Variants in KCNIP3 observed in about 807,000 individuals in gnomAD.
The protein encoded by KCNIP3 is calsenilin.
Under a neutral mutation model 35.0 loss-of-function variants are expected in KCNIP3, and 28 were observed. The ratio of observed to expected loss-of-function variants is 0.80; its 90% confidence interval spans 0.59 to 1.10. The LOEUF (loss-of-function observed/expected upper bound fraction) is 1.10, where lower values mean the gene tolerates loss of function less well. Ranked by LOEUF, KCNIP3 falls within the 50% of genes least tolerant of loss-of-function variation. The pLI, the probability that KCNIP3 is intolerant of heterozygous loss-of-function variation, is 0.00. For missense variants in KCNIP3, 295 were observed against 338.4 expected (o/e 0.87, Z 1.01); for synonymous variants, 134 against 133.8 (o/e 1.00, Z -0.01).
chr2:95,304,593 A>C lies in KCNIP3; in HGVS notation c.16-5762A>C, dbSNP rs149139364. ...TTTACCCCTGTTGAATAACAGGAGA[A>C]CGCATACCCCAGGGACCCTGGCAAG... On this transcript the variant is annotated intron_variant, in intron 1 of 8. Coordinates refer to ENST00000295225, the MANE Select transcript of KCNIP3 (RefSeq NM_013434.5). Among the ~76,000 whole-genome samples, 128 of 152,328 alleles carry C rather than the reference A, an allele frequency of 8.4e-4. 1 individual carries two copies. Among genetic ancestry groups the C allele is most frequent in the East Asian group, 1.4e-3 (7 of 5,178 alleles).
intron 2 of KCNIP3, among the ~76,000 whole-genome samples, chr2:95,363,384 T>C (rs1324887375): frequency 6.6e-6 from 1 of 152,208 alleles, no homozygotes; most frequent in Non-Finnish European, 1.5e-5. Context: ...TTTTTTCCCA[T>C]AGCTTTCATG....
chr2:95,350,607 G>A (rs1317445295), intron 2 of KCNIP3, among the ~76,000 whole-genome samples: 1 of 152,200 alleles, frequency 6.6e-6, no homozygotes, highest in African/African-American at 2.4e-5. Flanking sequence ...AGCAGCAGGG[G>A]TGGGGGCTGC....
chr2:95,303,268 CAG>C (rs1678083899), intron 1 of KCNIP3: 1 of 152,372 alleles, frequency 6.6e-6, no homozygotes, highest in African/African-American at 2.4e-5. Context: ...CCTGGCCTCT[CAG>C]GGGACCTAGA....
intron 2 of KCNIP3, among the ~76,000 whole-genome samples, chr2:95,370,291 C>T (rs367878873): frequency 6.6e-6 from 1 of 152,346 alleles, no homozygotes; most frequent in East Asian, 1.9e-4. Context: ...TTGGCCAACT[C>T]ATGTGATCTT....
intron 7 of KCNIP3, 110 bp from the exon 8 acceptor site, chr2:95,383,122 C>CCCCCCAACACCCCCCCCAAACAAAA: frequency 2.4e-6 from 1 of 415,478 alleles, no homozygotes. Context: ...CCCACCCGCC[C>CCCCCCAACACCCCCCCCAAACAAAA]ATCCACCCAC....
intron 2 of KCNIP3, among the ~76,000 whole-genome samples, chr2:95,319,114 T>G (rs1483334688): frequency 6.6e-6 from 1 of 152,208 alleles, no homozygotes; most frequent in African/African-American, 2.4e-5. Flanking sequence ...TTGAGAAGCA[T>G]GCAAATGTAA....
intron 2 of KCNIP3, among the ~76,000 whole-genome samples, chr2:95,323,578 G>A (rs959085296): frequency 3.3e-5 from 5 of 152,062 alleles, no homozygotes; most frequent in African/African-American, 4.8e-5. Flanking sequence ...AGGTGCCAAC[G>A]CGTCCGCCTC....
intron 1 of KCNIP3, among the ~76,000 whole-genome samples, chr2:95,299,955 A>G (rs1294748218): frequency 6.6e-6 from 1 of 152,218 alleles, no homozygotes; most frequent in Non-Finnish European, 1.5e-5. Context: ...AGCTGTTGGT[A>G]TCATCCCCAC....
At position 95,353,480 on chromosome 2, in the gene KCNIP3, C is replaced by T. The variant is rs1394328730; in HGVS notation, c.182-20816C>T. ...TGGTCGAGCACACTGGGTTTCCCTC[C>T]GTTCCAGCCCGGTTTGGCCACCTGC... On this transcript the variant is annotated intron_variant, in intron 2 of 8. Transcript: ENST00000295225. Among the ~76,000 whole-genome samples, 5 of 152,188 alleles carry T rather than the reference C, an allele frequency of 3.3e-5. No homozygotes were observed. In the South Asian group the frequency reaches 6.2e-4, roughly 19 times the overall value.
chr2:95,376,931 TAC>T lies in KCNIP3; in HGVS notation c.447+1725_447+1726del, dbSNP rs1680215288. ...TCTTAGAGACAAGATGCATATTAGT[TAC>T]AGTTTACTGATATGGTAAAAGGTAA... is the stretch of plus-strand genomic sequence containing the variant. On this transcript the variant is annotated intron_variant, in intron 5 of 8. Transcript: ENST00000295225. The surrounding 1 kb of genome is among the most constrained non-coding windows in gnomAD (Gnocchi z 4.2). Among the ~76,000 whole-genome samples the T allele has an allele frequency of 6.6e-6, 1 of 152,216 alleles. No individual in the cohort carries two copies. The highest frequency in any genetic ancestry group is 6.5e-5 in the Admixed American group (1 of 15,282).
chr2:95,327,106 G>A (rs1678814302), intron 2 of KCNIP3, among the ~76,000 whole-genome samples: 2 of 152,194 alleles, frequency 1.3e-5, no homozygotes, highest in African/African-American at 4.8e-5. Flanking sequence ...ACTGTGCCAC[G>A]TCTACGGAAC....
intron 2 of KCNIP3, among the ~76,000 whole-genome samples, chr2:95,324,391 G>A (rs2104231925): frequency 6.6e-6 from 1 of 152,052 alleles, no homozygotes; most frequent in Non-Finnish European, 1.5e-5. Flanking sequence ...GCGGGCGCCT[G>A]TAGTCACAGC....
chr2:95,309,791 C>G (rs948426897), intron 1 of KCNIP3, among the ~76,000 whole-genome samples: 6 of 152,208 alleles, frequency 3.9e-5, no homozygotes, highest in African/African-American at 1.4e-4. Flanking sequence ...ATAGCTGGAG[C>G]TGTTTCTTCA....
At chr2:95,328,450 C>A (rs1254683894) in intron 2 of KCNIP3, among the ~76,000 whole-genome samples, 1 of 152,166 alleles carries the variant, frequency 6.6e-6, no homozygotes, top group East Asian at 1.9e-4. Flanking sequence ...TGGAGGAGAG[C>A]GGTGGGGAGG....
intron 2 of KCNIP3, chr2:95,347,003 A>G (rs2104266622): frequency 2.5e-6 from 4 of 1,585,214 alleles, no homozygotes; most frequent in Non-Finnish European, 3.4e-6. Context: ...CCAGGGCCCC[A>G]GGCAGCCCGG....
chr2:95,342,042 A>G (rs1328685300), intron 2 of KCNIP3, among the ~76,000 whole-genome samples: 1 of 152,136 alleles, frequency 6.6e-6, no homozygotes, highest in East Asian at 1.9e-4. Context: ...ATGAGGCATA[A>G]ACTGGACAAA....
intron 2 of KCNIP3, among the ~76,000 whole-genome samples, chr2:95,368,106 G>T (rs761770289): frequency 2.0e-5 from 3 of 152,224 alleles, no homozygotes; most frequent in Non-Finnish European, 2.9e-5. Context: ...TGATAAAGTT[G>T]CAGGACAAAC....
At chr2:95,343,570 C>A (rs9678800) in intron 2 of KCNIP3, among the ~76,000 whole-genome samples, 116,397 of 152,008 alleles carry the variant, frequency 0.77, 44,964 homozygotes, top group African/African-American at 0.85. Flanking sequence ...CTCATGAAAT[C>A]CCTGGGCAGC....
At chr2:95,333,883 G>C (rs1360253312) in intron 2 of KCNIP3, among the ~76,000 whole-genome samples, 1 of 152,168 alleles carries the variant, frequency 6.6e-6, no homozygotes, top group Non-Finnish European at 1.5e-5. Context: ...TTCTGACTCA[G>C]ACCCCAAGGT....
Sources: allele counts gnomAD v4.1 joint callset (sites outside exome capture counted in the v4.1 genomes callset), GRCh38; gene constraint gnomAD v4.1.1; non-coding constraint Gnocchi (gnomAD v3.1); transcripts MANE v1.5; gene names NCBI Gene and HGNC (gene_info 2026-07-23, HGNC 2026-07-21).